ZNF407: variants seen among roughly 807,000 people sequenced by gnomAD.
ZNF407 encodes zinc finger protein 407.
A neutral mutation model predicts 131.2 loss-of-function variants in ZNF407; 17 were observed. The observed-to-expected ratio is 0.13, with a 90% CI of 0.09 to 0.19. The LOEUF is 0.19. Ranked by LOEUF, ZNF407 falls within the 10% of genes least tolerant of loss-of-function variation. The pLI, the probability that ZNF407 is intolerant of heterozygous loss-of-function variation, is 1.00. For missense variants in ZNF407, 2,681 were observed against 2,830.6 expected, an observed-to-expected ratio of 0.95 and a Z score of 1.20; for synonymous variants, 1,156 against 1,062.0, an observed-to-expected ratio of 1.09 and a Z score of -1.72.
chr18:74,705,909 A>G (rs1967613812), intron 3 of ZNF407, among the ~76,000 whole-genome samples: 1 of 152,222 alleles, frequency 6.6e-6, no homozygotes, highest in Admixed American at 6.5e-5. Flanking sequence ...CTAGTACTCT[A>G]TTTGCACTGA....
At chr18:74,894,300 T>TAGA (rs1313495517) in intron 7 of ZNF407, among the ~76,000 whole-genome samples, 1 of 152,134 alleles carries the variant, frequency 6.6e-6, no homozygotes, top group Non-Finnish European at 1.5e-5. Flanking sequence ...ATTGGATTCA[T>TAGA]AGAACACTGG....
At chr18:74,804,751 C>G (rs989079361) in intron 4 of ZNF407, 4 of 414,288 alleles carry the variant, frequency 9.7e-6, no homozygotes, top group Non-Finnish European at 1.3e-5. Flanking sequence ...CGAGTTGTTT[C>G]CTATATTACT....
chr18:74,654,384 AC>A (rs1263468439), intron 3 of ZNF407, among the ~76,000 whole-genome samples: 3 of 151,824 alleles, frequency 2.0e-5, no homozygotes, highest in Non-Finnish European at 3.0e-5. Context: ...CAGACTTTAA[AC>A]AAATTTCTTT....
At chr18:74,943,890 G>T (rs551361479) in intron 8 of ZNF407, among the ~76,000 whole-genome samples, 1 of 152,186 alleles carries the variant, frequency 6.6e-6, no homozygotes, top group South Asian at 2.1e-4. Flanking sequence ...TGACACTCTC[G>T]TTCTACTGAA....
chr18:74,671,550 CT>C (rs1258769161), intron 3 of ZNF407, among the ~76,000 whole-genome samples: 10 of 147,850 alleles, frequency 6.8e-5, no homozygotes, highest in Non-Finnish European at 1.5e-4. Context: ...TCTTTTGTTC[CT>C]TTTTTTGTGT....
At chr18:74,746,462 G>A (rs1968671020) in intron 3 of ZNF407, among the ~76,000 whole-genome samples, 1 of 151,682 alleles carries the variant, frequency 6.6e-6, no homozygotes, top group Non-Finnish European at 1.5e-5. Flanking sequence ...ATAACATTTT[G>A]CTTAAAACAC....
chr18:74,844,233 C>A (rs569241217), intron 4 of ZNF407, among the ~76,000 whole-genome samples: 6 of 152,158 alleles, frequency 3.9e-5, no homozygotes, highest in African/African-American at 7.2e-5. Flanking sequence ...TCCCCCATGG[C>A]GTGAGCTTCT....
At chr18:74,646,374 G>T (rs1984972749) in intron 3 of ZNF407, among the ~76,000 whole-genome samples, 1 of 152,130 alleles carries the variant, frequency 6.6e-6, no homozygotes, top group Non-Finnish European at 1.5e-5. Flanking sequence ...CATGAATTAT[G>T]CTTATAACAG....
At chr18:74,808,126 A>C (rs1019384792) in intron 4 of ZNF407, among the ~76,000 whole-genome samples, 1 of 151,860 alleles carries the variant, frequency 6.6e-6, no homozygotes, top group African/African-American at 2.4e-5. Context: ...TGATTCTCCT[A>C]CCTCAGTCTC....
chr18:74,614,241 A>C (rs1983187345), intron 1 of ZNF407, among the ~76,000 whole-genome samples: 1 of 152,238 alleles, frequency 6.6e-6, no homozygotes, highest in African/African-American at 2.4e-5. Flanking sequence ...GGGATCAAAT[A>C]ATTTTTATTA....
chr18:74,726,636 A>G (rs1968165359), intron 3 of ZNF407, among the ~76,000 whole-genome samples: 1 of 152,210 alleles, frequency 6.6e-6, no homozygotes, highest in South Asian at 2.1e-4. Context: ...TTGTCAGGAT[A>G]TTGTCAATTA....
chr18:74,813,815 T>G (rs1970232195), intron 4 of ZNF407, among the ~76,000 whole-genome samples: 1 of 152,156 alleles, frequency 6.6e-6, no homozygotes, highest in South Asian at 2.1e-4. Context: ...TTTTTGGTTG[T>G]TGCAGTAGCA....
chr18:74,857,373 A>G (rs1970873723), intron 4 of ZNF407, among the ~76,000 whole-genome samples: 1 of 152,208 alleles, frequency 6.6e-6, no homozygotes, highest in Non-Finnish European at 1.5e-5. Flanking sequence ...TAATATTTAC[A>G]AGTATTTTAT....
intron 8 of ZNF407, among the ~76,000 whole-genome samples, chr18:74,997,570 C>T (rs1169125726): frequency 6.6e-6 from 1 of 152,144 alleles, no homozygotes; most frequent in Non-Finnish European, 1.5e-5. Context: ...TGTCCATGGG[C>T]CCATGTGTCC....
rs1331475089 is a variant in ZNF407, at chr18:74,769,192, A to C, written c.4803-12236A>C. 2.0e-5 allele frequency among the ~76,000 whole-genome samples: 3 copies of C among 152,198 alleles called. No individual in the cohort carries two copies. In the East Asian group the frequency reaches 5.8e-4, roughly 29 times the overall value. On this transcript the variant is annotated intron_variant, in intron 3 of 8. Coordinates refer to ENST00000299687, the MANE Select transcript of ZNF407 (RefSeq NM_017757.3). ...ATTCAGCCCAAGTTTCTTTGACATC[A>C]GGCTTTGCCCTGACCCTCAGTGATA...
At chr18:74,709,334 T>G (rs1725118452) in intron 3 of ZNF407, among the ~76,000 whole-genome samples, 1 of 152,232 alleles carries the variant, frequency 6.6e-6, no homozygotes, top group Admixed American at 6.5e-5. Flanking sequence ...AACTTATCTC[T>G]ATTATGTGTA....
intron 3 of ZNF407, among the ~76,000 whole-genome samples, chr18:74,776,140 A>G (rs1021605891): frequency 6.6e-6 from 1 of 152,198 alleles, no homozygotes; most frequent in African/African-American, 2.4e-5. Flanking sequence ...CAGAGCCTTC[A>G]GGAATGGGAT....
intron 4 of ZNF407, among the ~76,000 whole-genome samples, chr18:74,792,025 C>T (rs1012316557): frequency 1.1e-4 from 17 of 152,198 alleles, no homozygotes; most frequent in Admixed American, 3.9e-4. Flanking sequence ...GAGTCACCCT[C>T]AAGTTCATTG....
At chr18:74,744,149 G>A (rs897060963) in intron 3 of ZNF407, among the ~76,000 whole-genome samples, 8 of 152,190 alleles carry the variant, frequency 5.3e-5, no homozygotes, top group Admixed American at 5.2e-4. Context: ...ATTTATTAAT[G>A]AACTTATTAT....
Sources: allele counts gnomAD v4.1 joint callset (sites outside exome capture counted in the v4.1 genomes callset), GRCh38; gene constraint gnomAD v4.1.1; transcripts MANE v1.5; gene names NCBI Gene and HGNC (gene_info 2026-07-23, HGNC 2026-07-21).